Variants in SYNC observed in about 807,000 individuals in gnomAD.
SYNC encodes the protein syncoilin, intermediate filament protein, also known as syncoilin.
In SYNC, 38 loss-of-function variants were observed where a neutral mutation model predicts 49.5. The ratio of observed to expected loss-of-function variants is 0.77; its 90% CI spans 0.59 to 1.01. SYNC has a LOEUF of 1.01. SYNC is among the 50% of genes least tolerant of loss of function. SYNC has a pLI of 0.00. For synonymous variants in SYNC, 201 were observed against 230.8 expected (o/e 0.87, Z 1.17); for missense variants, 579 against 580.6 (o/e 1.00, Z 0.03).
At chr1:32,687,235 C>T (rs1570902890) in intron 2 of SYNC, among the ~76,000 whole-genome samples, 1 of 151,938 alleles carries the variant, frequency 6.6e-6, no homozygotes, top group African/African-American at 2.4e-5. Flanking sequence ...GTGGCAGGTG[C>T]CTGTAATCTC....
rs1221271476 is a variant in SYNC at position 32,681,797 on chromosome 1, C to A, written c.*53G>T. On this transcript the variant is annotated 3_prime_UTR_variant, in exon 5 of 5. Transcript: ENST00000409190. ...TACATCCAAAGGGTACTTAGTGATC[C>A]TTTGCTAAGAAGTTTTTTGCTGTTT... 6.2e-7 allele frequency: 1 copy of A among 1,613,948 alleles called. No individual in the cohort carries two copies. Among genetic ancestry groups the A allele is most frequent in the Non-Finnish European group, 8.5e-7 (1 of 1,180,010 alleles).
intron 1 of SYNC, among the ~76,000 whole-genome samples, chr1:32,696,930 T>C (rs918447216): frequency 1.3e-5 from 2 of 151,490 alleles, no homozygotes; most frequent in South Asian, 4.2e-4. Context: ...GTATTTTTAG[T>C]AGAGATGGGG....
At position 32,680,583 on chromosome 1, in the gene SYNC, C is replaced by T. The variant is rs1383571246; in HGVS notation, c.*1267G>A. On this transcript the variant is annotated 3_prime_UTR_variant, in exon 5 of 5. Transcript: ENST00000409190. ...CTCCATTTTGGGTGACCTGTTTCACCAGCAGGCCTGTTACTCTCCATGACT... is the reference window on the plus strand; with the variant it reads ...CTCCATTTTGGGTGACCTGTTTCACTAGCAGGCCTGTTACTCTCCATGACT... 2 of 1,496,812 alleles carry T rather than the reference C, an allele frequency of 1.3e-6. No homozygotes were observed. Among genetic ancestry groups the T allele is most frequent in the Middle Eastern group, 1.7e-4 (1 of 5,888 alleles). 92.7% of individuals were successfully genotyped at this position (1,496,812 alleles called of 1,614,324 possible).
intron 1 of SYNC, among the ~76,000 whole-genome samples, chr1:32,700,799 G>GT (rs1442423446): frequency 3.9e-5 from 6 of 152,208 alleles, no homozygotes; most frequent in Non-Finnish European, 7.3e-5. Flanking sequence ...CACAACTGTT[G>GT]TAAGTGGTGG....
rs753749039 is a variant in SYNC, at chr1:32,695,291, CTG to C, written c.805_806del (p.Gln269ValfsTer60). ...TCAGCACTTCCCGGAAATCGGCAAA[CTG>C]AGCCACGTCCTGCTGGCGGCACTCC... is the stretch of plus-strand genomic sequence containing the variant. ...QLECRQQDVAQFADFREVLTT... is the reference protein window; with the variant it reads ...QLECRQQDVAXFADFREVLTT... On this transcript the variant is annotated frameshift_variant, in exon 2 of 5. Transcript: ENST00000409190. LOFTEE classifies it high-confidence loss of function. The C allele has an allele frequency of 9.7e-6, 15 of 1,551,634 alleles. No homozygotes were observed. Among genetic ancestry groups the C allele is most frequent in the Non-Finnish European group, 1.3e-5 (15 of 1,147,072 alleles).
At chr1:32,682,923 T>TG (rs1308393503) in intron 4 of SYNC, 1 of 152,228 alleles carries the variant, frequency 6.6e-6, no homozygotes, top group Non-Finnish European at 1.5e-5. Flanking sequence ...GGTAAAACAT[T>TG]GGGGGAGGGA....
At position 32,702,722 on chromosome 1, in the gene SYNC, C is replaced by G; in HGVS notation, c.-62G>C. 9.1e-7 allele frequency: 1 copy of G among 1,098,258 alleles called. No homozygotes were observed. The highest frequency in any genetic ancestry group is 1.1e-6 in the Non-Finnish European group (1 of 901,678). 68.0% of individuals were successfully genotyped at this position (1,098,258 alleles called of 1,614,324 possible). ...TAGCCGGGCCCGCGGGCCCCTCGCT[C>G]CGGCGCCCGCGCCCGCCGCACTGCC... On this transcript the variant is annotated 5_prime_UTR_variant, in exon 1 of 5. Coordinates refer to ENST00000409190, the MANE Select transcript of SYNC (RefSeq NM_030786.3). This position sits in a 1 kb window ranked among gnomAD's most constrained non-coding sequence, Gnocchi z 6.2.
chr1:32,695,338 C>T lies in SYNC; in HGVS notation c.760G>A (p.Val254Met). 9 of 1,551,762 alleles carry T rather than the reference C, an allele frequency of 5.8e-6. No homozygotes were observed. Among genetic ancestry groups the T allele is most frequent in the Middle Eastern group, 1.7e-4 (1 of 5,994 alleles). ...QKLFKVTKEC[V>M]AYQYQLECRQ... ...CACTCCAGCTGGTATTGGTAGGCCA[C>T]ACATTCCTTTGTCACTTTGAAAAGC... is the stretch of plus-strand genomic sequence containing the variant. Residue 254 changes from valine to methionine, a missense_variant, in exon 2 of 5, where the codon GTG (valine) becomes ATG (methionine). Coordinates refer to ENST00000409190, the MANE Select transcript of SYNC (RefSeq NM_030786.3).
upstream of SYNC, chr1:32,702,849 G>GT: frequency 3.7e-6 from 1 of 267,234 alleles, no homozygotes; most frequent in Admixed American, 6.1e-5. This position sits in a 1 kb window ranked among gnomAD's most constrained non-coding sequence, Gnocchi z 6.2. Context: ...GGACCTGGGG[G>GT]CGGGGAGAGG....
chr1:32,699,003 C>G (rs2148563732), intron 1 of SYNC, among the ~76,000 whole-genome samples: 1 of 151,994 alleles, frequency 6.6e-6, no homozygotes, highest in Non-Finnish European at 1.5e-5. Flanking sequence ...TGGTCTCAAA[C>G]TCCTGAGCTC....
intron 2 of SYNC, among the ~76,000 whole-genome samples, chr1:32,693,669 A>G (rs1486780650): frequency 6.6e-6 from 1 of 152,190 alleles, no homozygotes; most frequent in Admixed American, 6.6e-5. Context: ...CTACCTTCTG[A>G]AAGTTCACAG....
At chr1:32,687,521 A>G (rs1649913371) in intron 2 of SYNC, among the ~76,000 whole-genome samples, 1 of 151,548 alleles carries the variant, frequency 6.6e-6, no homozygotes, top group Admixed American at 6.6e-5. Context: ...AAATACAAAA[A>G]TTAGTTGGGC....
At position 32,689,810 on chromosome 1, in the gene SYNC, G is replaced by A. The variant is rs1283019987; in HGVS notation, c.1233+5055C>T. Among the ~76,000 whole-genome samples, 3 of 152,026 alleles carry A rather than the reference G, an allele frequency of 2.0e-5. No homozygotes were observed. The East Asian group carries it at 5.8e-4, about 30-fold the overall frequency. On this transcript the variant is annotated intron_variant, in intron 2 of 4. Coordinates refer to ENST00000409190, the MANE Select transcript of SYNC (RefSeq NM_030786.3). Reference sequence around the variant, plus strand: ...ACAAAAATTAGCTGGGCGTGGTGGCGTGAGCCTGTAGTCCCAGCTACTTGA... The same window carrying A: ...ACAAAAATTAGCTGGGCGTGGTGGCATGAGCCTGTAGTCCCAGCTACTTGA...
At position 32,702,639 on chromosome 1, in the gene SYNC, GCCGGGGCT is replaced by G. The variant is rs964387015; in HGVS notation, c.14_21del (p.Glu5AlafsTer30). ...GCCTGGGCGGCGCCGTCCCCGCCGC[GCCGGGGCT>G]CCGGGCTGGCCATGGCTGCGCGACC... On this transcript the variant is annotated frameshift_variant, in exon 1 of 5. Coordinates refer to ENST00000409190, the MANE Select transcript of SYNC (RefSeq NM_030786.3). LOFTEE classifies it high-confidence loss of function. The surrounding 1 kb of genome is among the most constrained non-coding windows in gnomAD (Gnocchi z 6.2). 2.3e-4 allele frequency: 277 copies of G among 1,213,384 alleles called. No individual in the cohort carries two copies. The highest frequency in any genetic ancestry group is 2.6e-4 in the Non-Finnish European group (251 of 976,524). 75.2% of individuals were successfully genotyped at this position (1,213,384 alleles called of 1,614,324 possible).
In SYNC at chr1:32,697,200, G is replaced by A. The variant is rs149476877; in HGVS notation, c.54-1156C>T. Among the ~76,000 whole-genome samples the A allele has an allele frequency of 4.4e-3, 671 of 151,968 alleles. 2 individuals are homozygous for A. Among genetic ancestry groups the A allele is most frequent in the Non-Finnish European group, 7.1e-3 (481 of 67,982 alleles). ...CTCACACCTGTAATCTCAGCACTTT[G>A]GGAGGCCGAATCAGGCGGATCACCT... On this transcript the variant is annotated intron_variant, in intron 1 of 4. Transcript: ENST00000409190.
upstream of SYNC, chr1:32,703,559 C>T (rs1650748831): frequency 6.6e-6 from 1 of 152,304 alleles, no homozygotes; most frequent in African/African-American, 2.4e-5. Context: ...ACCTGGGCTT[C>T]AGGCGTTCTT....
Position 32,679,945 on chromosome 1 carries a change from T to TA in SYNC, c.*1904dup. ...CAGGAATTTTCTAGTAACCCAGGTC[T>TA]AAAGTAGCTACAGAAAGGGGAATAT... On this transcript the variant is annotated 3_prime_UTR_variant, in exon 5 of 5. Transcript: ENST00000409190. The TA allele has an allele frequency of 7.8e-7, 1 of 1,289,218 alleles. No homozygotes were observed. Among genetic ancestry groups the TA allele is most frequent in the Non-Finnish European group, 9.8e-7 (1 of 1,021,096 alleles). The allele number at this position is 1,289,218 out of a possible 1,614,324, so 79.9% of individuals were successfully genotyped here.
In SYNC at chr1:32,679,944, C is replaced by A. The variant is rs1649317207; in HGVS notation, c.*1906G>T. On this transcript the variant is annotated 3_prime_UTR_variant, in exon 5 of 5. Transcript: ENST00000409190. ...TCAGGAATTTTCTAGTAACCCAGGT[C>A]TAAAGTAGCTACAGAAAGGGGAATA... 7.8e-7 allele frequency: 1 copy of A among 1,282,000 alleles called. No homozygotes were observed. The highest frequency in any genetic ancestry group is 3.4e-5 in the East Asian group (1 of 29,202). 79.4% of individuals were successfully genotyped at this position (1,282,000 alleles called of 1,614,324 possible).
intron 1 of SYNC, among the ~76,000 whole-genome samples, chr1:32,697,025 G>C (rs979233695): frequency 3.9e-5 from 6 of 151,992 alleles, no homozygotes; most frequent in African/African-American, 1.4e-4. Flanking sequence ...TGGGATTACA[G>C]GCATTGAGCC....
Sources: allele counts gnomAD v4.1 joint callset (sites outside exome capture counted in the v4.1 genomes callset), GRCh38; gene constraint gnomAD v4.1.1; non-coding constraint Gnocchi (gnomAD v3.1); transcripts MANE v1.5; gene names NCBI Gene and HGNC (gene_info 2026-07-23, HGNC 2026-07-21).